The following BAG3 variants were observed in gnomAD, a reference collection of about 807,000 sequenced individuals.
The protein encoded by BAG3 is BAG cochaperone 3.
In BAG3, 14 loss-of-function variants were observed where a neutral mutation model predicts 40.5. The observed-to-expected ratio is 0.35, with a 90% confidence interval of 0.23 to 0.54. The LOEUF is 0.54. Among genes scored for constraint, BAG3 ranks in the 20% least tolerant of loss-of-function variants. BAG3 has a pLI of 0.91. For synonymous variants in BAG3, 302 were observed against 307.8 expected (o/e 0.98, Z 0.20); for missense variants, 788 against 758.6 (o/e 1.04, Z -0.46).
Position 119,676,694 on chromosome 10 carries a change from T to C in BAG3, c.1140T>C (p.Pro380=), listed in dbSNP as rs201449869. The part of the protein sequence containing the change: ...PVPCPPPSPG[P]SAVPSSPKSV... The stretch of plus-strand genomic sequence containing the variant: ...CTTGTCCTCCTCCCAGCCCTGGCCC[T>C]TCTGCTGTCCCCTCTTCCCCCAAGA... The change falls in exon 4 of 4, where the codon CCT becomes CCC. Residue 380 remains proline, a synonymous_variant. Transcript: ENST00000369085. 3 of 1,614,040 alleles carry C rather than the reference T, an allele frequency of 1.9e-6. No individual in the cohort carries two copies. The highest frequency in any genetic ancestry group is 2.7e-5 in the African/African-American group (2 of 74,924).
At chr10:119,655,306 C>G (rs193117498) in intron 1 of BAG3, among the ~76,000 whole-genome samples, 17 of 152,056 alleles carry the variant, frequency 1.1e-4, no homozygotes, top group African/African-American at 3.9e-4. Context: ...GGGAGGTGGT[C>G]CAGAGATCTT....
At position 119,659,206 on chromosome 10, in the gene BAG3, G is replaced by C. The variant is rs1350900315; in HGVS notation, c.180+7351G>C. On this transcript the variant is annotated intron_variant, in intron 1 of 3. Transcript: ENST00000369085. ...ACCCAGCTGCCAGACCCTGCGCCATGCGTCCATAGATGCATCTCCCCATCC... is the reference window on the plus strand; with the variant it reads ...ACCCAGCTGCCAGACCCTGCGCCATCCGTCCATAGATGCATCTCCCCATCC... Among the ~76,000 whole-genome samples, 7 of 152,338 alleles carry C rather than the reference G, an allele frequency of 4.6e-5. No individual in the cohort carries two copies. The East Asian group carries it at 1.4e-3, about 29-fold the overall frequency.
At position 119,672,440 on chromosome 10, in the gene BAG3, G is replaced by A. The variant is rs144034433; in HGVS notation, c.693G>A (p.Thr231=). The A allele has an allele frequency of 5.9e-5, 96 of 1,614,074 alleles. No homozygotes were observed. In the Admixed American group the frequency reaches 8.0e-4, roughly 13 times the overall value. Residue 231 remains threonine (T), a synonymous_variant, in exon 3 of 4, where the codon ACG becomes ACA. Transcript: ENST00000369085. The surrounding 1 kb of genome is among the most constrained non-coding windows in gnomAD (Gnocchi z 4.8). ...CCTCCTTCCACCAAGCCCAGAAGACGCACTACCCAGCGCAGCAGGGGGAGT... is the reference window on the plus strand; with the variant it reads ...CCTCCTTCCACCAAGCCCAGAAGACACACTACCCAGCGCAGCAGGGGGAGT... The part of the protein sequence containing the change: ...AQPSFHQAQK[T]HYPAQQGEYQ...
intron 1 of BAG3, among the ~76,000 whole-genome samples, chr10:119,659,228 A>G (rs765047722): frequency 6.6e-6 from 1 of 152,162 alleles, no homozygotes; most frequent in South Asian, 2.1e-4. Flanking sequence ...GCATCTCCCC[A>G]TCCTCTGCCC....
chr10:119,675,514 A>T (rs1211288164), intron 3 of BAG3, among the ~76,000 whole-genome samples: 1 of 152,152 alleles, frequency 6.6e-6, no homozygotes, highest in Non-Finnish European at 1.5e-5. Flanking sequence ...AAAAAAATAC[A>T]TTGGTCTGGG....
intron 1 of BAG3, among the ~76,000 whole-genome samples, chr10:119,664,325 A>G (rs1455602564): frequency 3.3e-5 from 5 of 152,280 alleles, no homozygotes; most frequent in Admixed American, 1.3e-4. Flanking sequence ...GCCCTGAGAC[A>G]TGCCTCAGAT....
intron 1 of BAG3, among the ~76,000 whole-genome samples, chr10:119,653,813 T>C (rs1846874750): frequency 1.3e-5 from 2 of 152,206 alleles, no homozygotes; most frequent in Non-Finnish European, 2.9e-5. Flanking sequence ...GTCAGGAAAG[T>C]CCTAATAAGA....
At position 119,670,011 on chromosome 10, in the gene BAG3, A is replaced by G. The variant is rs769813479; in HGVS notation, c.341A>G (p.Tyr114Cys). Residue 114 changes from tyrosine (Y) to cysteine (C), a missense_variant, in exon 2 of 4, where the codon TAT becomes TGT. Transcript: ENST00000369085. Reference protein sequence around the residue: ...ENRQVHPFHVYPQPGMQRFRT... With the variant: ...ENRQVHPFHVCPQPGMQRFRT... ...CGGCAGGTGCACCCTTTCCATGTCT[A>G]TCCCCAGCCTGGGATGCAGCGATTC... 4 of 1,614,164 alleles carry G rather than the reference A, an allele frequency of 2.5e-6. No homozygotes were observed. Among genetic ancestry groups the G allele is most frequent in the Admixed American group, 1.7e-5 (1 of 60,032 alleles).
chr10:119,676,739 G>A lies in BAG3; in HGVS notation c.1185G>A (p.Arg395=). Residue 395 remains arginine (R), a synonymous_variant, in exon 4 of 4, where the codon AGG becomes AGA. Transcript: ENST00000369085. ...SSPKSVATEE[R]AAPSTAPAEA... ...CCAAGAGTGTGGCTACAGAAGAGAG[G>A]GCAGCCCCCAGCACTGCCCCTGCAG... is the stretch of plus-strand genomic sequence containing the variant. 1.2e-6 allele frequency: 2 copies of A among 1,614,072 alleles called. No individual in the cohort carries two copies. Among genetic ancestry groups the A allele is most frequent in the Non-Finnish European group, 1.7e-6 (2 of 1,180,020 alleles).
intron 3 of BAG3, among the ~76,000 whole-genome samples, chr10:119,674,449 C>T (rs196333): frequency 0.54 from 82,476 of 151,980 alleles, 23,384 homozygotes; most frequent in Non-Finnish European, 0.64. Context: ...TCATCCTGTT[C>T]TTACCATTAA....
intron 1 of BAG3, among the ~76,000 whole-genome samples, chr10:119,661,729 G>A (rs1367716187): frequency 6.6e-6 from 1 of 151,936 alleles, no homozygotes; most frequent in Non-Finnish European, 1.5e-5. Context: ...CACACCTCTT[G>A]TCTTACCAGG....
At position 119,672,337 on chromosome 10, in the gene BAG3, G is replaced by A. The variant is rs755969300; in HGVS notation, c.590G>A (p.Gly197Asp). Residue 197 changes from glycine to aspartate, a missense_variant, in exon 3 of 4, where the codon GGC becomes GAC. Physicochemically the swap from Gly to Asp is moderately conservative, Grantham distance 94 (BLOSUM62 -1). Transcript: ENST00000369085. This position sits in a 1 kb window ranked among gnomAD's most constrained non-coding sequence, Gnocchi z 4.8. ...SLPSSGRSSLGSHQLPRGYIS... is the reference protein window; with the variant it reads ...SLPSSGRSSLDSHQLPRGYIS... ...CCTTCCTCCGGCAGGAGCAGCCTGG[G>A]CAGTCACCAGCTCCCGCGGGGGTAC... 6.2e-7 allele frequency: 1 copy of A among 1,614,042 alleles called. No homozygotes were observed. The highest frequency in any genetic ancestry group is 8.5e-7 in the Non-Finnish European group (1 of 1,180,008).
chr10:119,672,168 G>GGA lies in BAG3; in HGVS notation c.508-85_508-84dup. On this transcript the variant is annotated intron_variant, in intron 2 of 3. Coordinates refer to ENST00000369085, the MANE Select transcript of BAG3 (RefSeq NM_004281.4). This position sits in a 1 kb window ranked among gnomAD's most constrained non-coding sequence, Gnocchi z 4.8. ...GGTCTTACAATATGGATTGCCCTGA[G>GGA]GAGGTGCACAGCAGAAGGCGTGGTC... 7.8e-6 allele frequency: 12 copies of GGA among 1,538,072 alleles called. No homozygotes were observed. Among genetic ancestry groups the GGA allele is most frequent in the Non-Finnish European group, 1.1e-5 (12 of 1,122,218 alleles).
Position 119,651,790 on chromosome 10 carries a change from T to C in BAG3, c.115T>C (p.Phe39Leu). The C allele has an allele frequency of 1.9e-6, 3 of 1,602,284 alleles. No individual in the cohort carries two copies. Among genetic ancestry groups the C allele is most frequent in the Non-Finnish European group, 2.6e-6 (3 of 1,175,014 alleles). ...KIDPQTGWPF[F>L]VDHNSRTTTW... ...CGACCCGCAGACCGGCTGGCCCTTC[T>C]TCGTGGACCACAACAGCCGCACCAC... The change falls in exon 1 of 4, where the codon TTC becomes CTC. Residue 39 changes from phenylalanine (F) to leucine (L), a missense_variant. By Grantham distance (22) the Phe-to-Leu change is conservative. Transcript: ENST00000369085.
chr10:119,651,881 G>C (rs752436149), intron 1 of BAG3, 26 bp downstream of exon 1: 1 of 1,502,976 alleles, frequency 6.7e-7, no homozygotes, highest in South Asian at 1.2e-5. Context: ...GGCCCGCCCT[G>C]GTCGGTGGCG....
intron 3 of BAG3, among the ~76,000 whole-genome samples, chr10:119,675,072 C>CTA (rs1398309192): frequency 6.6e-6 from 1 of 152,220 alleles, no homozygotes; most frequent in East Asian, 1.9e-4. Context: ...TGGCTCACAC[C>CTA]TATAATCCTA....
chr10:119,675,344 T>G (rs1847203918), intron 3 of BAG3, among the ~76,000 whole-genome samples: 1 of 152,182 alleles, frequency 6.6e-6, no homozygotes, highest in Admixed American at 6.5e-5. Context: ...CACAAAAATC[T>G]ATATATCTAT....
intron 1 of BAG3, among the ~76,000 whole-genome samples, chr10:119,664,406 G>A (rs1261218751): frequency 1.3e-5 from 2 of 152,206 alleles, no homozygotes; most frequent in Non-Finnish European, 2.9e-5. Context: ...AATTAATATA[G>A]TGAGATAAGC....
At chr10:119,653,076 A>G (rs1035673861) in intron 1 of BAG3, among the ~76,000 whole-genome samples, 3 of 152,254 alleles carry the variant, frequency 2.0e-5, no homozygotes. Flanking sequence ...GTTTTAGAAG[A>G]AAGACCTGTA....
Sources: gnomAD v4.1 joint callset for allele counts (sites outside exome capture counted in the v4.1 genomes callset) on GRCh38, gnomAD v4.1.1 for gene constraint, Gnocchi (gnomAD v3.1) non-coding constraint, MANE v1.5 for transcripts, NCBI Gene and HGNC (gene_info 2026-07-23, HGNC 2026-07-21) for gene names.